Variants in ABCA9 observed in about 807,000 individuals in gnomAD.
ABCA9 encodes the protein ATP-binding cassette sub-family A member 9.
In ABCA9, 183 loss-of-function variants were observed where a neutral mutation model predicts 205.3. The ratio of observed to expected loss-of-function variants is 0.89; its 90% confidence interval spans 0.79 to 1.01. The LOEUF is 1.01. ABCA9 is among the 50% of genes least tolerant of loss of function. The probability of loss-of-function intolerance (pLI) is 0.00; values close to 1 mark genes in which losing one functional copy is unlikely to be tolerated. For synonymous variants in ABCA9, 651 were observed against 683.3 expected, an observed-to-expected ratio of 0.95 and a Z score of 0.74; for missense variants, 1,805 against 1,912.4, an observed-to-expected ratio of 0.94 and a Z score of 1.05.
At chr17:69,018,627 G>A (rs1339677055) in intron 19 of ABCA9, 48 bp from the exon 20 acceptor site, 1 of 1,442,978 alleles carries the variant, frequency 6.9e-7, no homozygotes, top group South Asian at 1.4e-5. Context: ...AGCAACTTTT[G>A]TGGGTTTTTA....
Position 69,035,374 on chromosome 17 carries a change from C to T in ABCA9, c.1000G>A (p.Val334Ile), listed in dbSNP as rs201472998. The change falls in exon 8 of 39, where the codon GTT becomes ATT. Residue 334 changes from valine to isoleucine, a missense_variant. By Grantham distance (29) the Val-to-Ile change is conservative. Coordinates refer to ENST00000340001, the MANE Select transcript of ABCA9 (RefSeq NM_080283.4). The part of the protein sequence containing the change: ...LIKKPFLTGL[V>I]VFLLIVFWGI... ...CAAAAGACAATAAGGAGAAACACAA[C>T]CAAGCCCGTAAGGAAAGGTTTCTTT... The T allele has an allele frequency of 2.5e-5, 40 of 1,607,018 alleles. No homozygotes were observed. The highest frequency in any genetic ancestry group is 3.2e-5 in the Non-Finnish European group (38 of 1,176,552).
chr17:69,007,627 T>C, intron 25 of ABCA9, 132 bp downstream of exon 25: 1 of 609,668 alleles, frequency 1.6e-6, no homozygotes, highest in East Asian at 2.9e-5. Context: ...TAAATAGTAC[T>C]TTGATTATCT....
intron 3 of ABCA9, among the ~76,000 whole-genome samples, chr17:69,048,458 T>A (rs1169402904): frequency 6.6e-6 from 1 of 152,196 alleles, no homozygotes; most frequent in African/African-American, 2.4e-5. Context: ...TCTTTTGGCA[T>A]AACCGATCAG....
intron 1 of ABCA9, among the ~76,000 whole-genome samples, chr17:69,058,706 G>T (rs1392977822): frequency 6.6e-6 from 1 of 152,104 alleles, no homozygotes; most frequent in Non-Finnish European, 1.5e-5. Context: ...GGGTGTGGTG[G>T]CGAGTGCCCG....
the ABCA9 span, among the ~76,000 whole-genome samples, chr17:69,075,345 T>C: frequency 6.6e-6 from 1 of 152,202 alleles, no homozygotes; most frequent in South Asian, 2.1e-4. Context: ...TGGTGTTTCC[T>C]AGGTTTTCTC....
Position 68,989,057 on chromosome 17 carries a change from T to C in ABCA9, c.4017A>G (p.Ile1339Met), listed in dbSNP as rs762856001. Reference sequence around the variant, plus strand: ...CTGCAGTTGGTTTTGTGTCTCCAGTTATCATCTTAATAGTTGTACTTTTAC... The same window carrying C: ...CTGCAGTTGGTTTTGTGTCTCCAGTCATCATCTTAATAGTTGTACTTTTAC... Reference protein sequence around the residue: ...GAGKSTTIKMITGDTKPTAGQ... With the variant: ...GAGKSTTIKMMTGDTKPTAGQ... The change falls in exon 31 of 39, where the codon ATA (isoleucine) becomes ATG (methionine). Residue 1339 changes from isoleucine (I) to methionine (M), a missense_variant. Ile to Met is a conservative substitution (Grantham distance 10, BLOSUM62 1). Transcript: ENST00000340001. 18 of 1,613,440 alleles carry C rather than the reference T, an allele frequency of 1.1e-5. No homozygotes were observed. Among genetic ancestry groups the C allele is most frequent in the African/African-American group, 1.1e-4 (8 of 74,924 alleles).
At chr17:69,043,762 C>G in intron 5 of ABCA9, 47 bp from the exon 6 acceptor site, 1 of 1,434,108 alleles carries the variant, frequency 7.0e-7, no homozygotes, top group Non-Finnish European at 9.5e-7. Flanking sequence ...AATCTAATTC[C>G]AACCTTAGGC....
At chr17:69,063,608 T>C (rs2072307140), upstream of ABCA9, among the ~76,000 whole-genome samples, 1 of 152,116 alleles carries the variant, frequency 6.6e-6, no homozygotes. Flanking sequence ...GTTTTGTGTT[T>C]GTTTTTTTTT....
In ABCA9 at chr17:69,016,263, G is replaced by T; in HGVS notation, c.3029C>A (p.Thr1010Lys). Residue 1010 changes from threonine (T) to lysine (K), a missense_variant, in exon 22 of 39, where the codon ACA becomes AAA. By Grantham distance (78) the Thr-to-Lys change is moderately conservative. Coordinates refer to ENST00000340001, the MANE Select transcript of ABCA9 (RefSeq NM_080283.4). ...SSEHIQTDRS[T>K]FFEEHMDYEY... ...TATAATTATACTTACTTCAAAAAATGTGCTTCTGTCAGTCTGAATGTGTTC... is the reference window on the plus strand; with the variant it reads ...TATAATTATACTTACTTCAAAAAATTTGCTTCTGTCAGTCTGAATGTGTTC... The T allele has an allele frequency of 6.4e-7, 1 of 1,573,456 alleles. No individual in the cohort carries two copies. Among genetic ancestry groups the T allele is most frequent in the Non-Finnish European group, 8.6e-7 (1 of 1,165,746 alleles).
At chr17:69,048,365 C>T (rs1183867520) in intron 3 of ABCA9, among the ~76,000 whole-genome samples, 1 of 152,216 alleles carries the variant, frequency 6.6e-6, no homozygotes, top group African/African-American at 2.4e-5. Flanking sequence ...CCTGTATCAT[C>T]CTCTAACGGT....
In ABCA9 at chr17:68,984,181, G is replaced by A. The variant is rs1212379880; in HGVS notation, c.4380-6C>T. ...AGGTGGCCCGAATCACCTGCCTAAAGTTAAGTCAAGAGAAAACGTGAACTC... is the reference window on the plus strand; with the variant it reads ...AGGTGGCCCGAATCACCTGCCTAAAATTAAGTCAAGAGAAAACGTGAACTC... On this transcript the variant is annotated splice_polypyrimidine_tract_variant and splice_region_variant and intron_variant, in intron 34 of 38. Transcript: ENST00000340001. The A allele has an allele frequency of 2.5e-6, 4 of 1,613,568 alleles. No homozygotes were observed.
intron 1 of ABCA9, chr17:69,051,600 G>A (rs930015141): frequency 1.8e-5 from 3 of 163,886 alleles, no homozygotes; most frequent in Admixed American, 1.8e-4. Context: ...GGGTCATGAG[G>A]GGACCAGTGC....
intron 1 of ABCA9, among the ~76,000 whole-genome samples, chr17:69,059,663 G>C (rs1309628287): frequency 8.0e-6 from 1 of 125,280 alleles, no homozygotes; most frequent in African/African-American, 3.7e-5. Flanking sequence ...CATTAAGTTT[G>C]TGGTCATTTT....
intron 32 of ABCA9, among the ~76,000 whole-genome samples, chr17:68,985,890 G>A (rs923323896): frequency 1.3e-5 from 2 of 152,028 alleles, no homozygotes; most frequent in African/African-American, 4.8e-5. Context: ...CCAAGAGGCG[G>A]AGGTTGCACT....
chr17:69,031,859 G>A (rs755864258), intron 10 of ABCA9, among the ~76,000 whole-genome samples: 8 of 152,150 alleles, frequency 5.3e-5, no homozygotes, highest in Non-Finnish European at 1.2e-4. Flanking sequence ...TGTGGAAAAT[G>A]GAAATTCAAA....
Position 68,984,163 on chromosome 17 carries a change from C to T in ABCA9, c.4392G>A (p.Arg1464=), listed in dbSNP as rs1391372723. The change falls in exon 35 of 39, where the codon CGG becomes CGA. Residue 1464 remains arginine (R), a synonymous_variant. Transcript: ENST00000340001. ...EGQQQMWQVI[R]ATFRNTERGA... ...CCCTCTCCGTGTTTCTAAAGGTGGC[C>T]CGAATCACCTGCCTAAAGTTAAGTC... 6.2e-7 allele frequency: 1 copy of T among 1,613,860 alleles called. No individual in the cohort carries two copies. The highest frequency in any genetic ancestry group is 8.5e-7 in the Non-Finnish European group (1 of 1,179,962).
intron 12 of ABCA9, 67 bp from the exon 13 acceptor site, chr17:69,027,882 A>G (rs1343498622): frequency 7.9e-7 from 1 of 1,265,462 alleles, no homozygotes; most frequent in African/African-American, 1.5e-5. Context: ...ATCTTTTAAA[A>G]TGGAAAACAC....
chr17:68,989,311 C>G lies in ABCA9; in HGVS notation c.3956-193G>C, dbSNP rs180974191. On this transcript the variant is annotated intron_variant, in intron 30 of 38. Coordinates refer to ENST00000340001, the MANE Select transcript of ABCA9 (RefSeq NM_080283.4). Reference sequence around the variant, plus strand: ...ACACACACACCCCTGAGCATTATAACTAGCTTCATTTTACAGGTGAGGAAG... The same window carrying G: ...ACACACACACCCCTGAGCATTATAAGTAGCTTCATTTTACAGGTGAGGAAG... Among the ~76,000 whole-genome samples, 20 of 149,676 alleles carry G rather than the reference C, an allele frequency of 1.3e-4. No individual in the cohort carries two copies. The East Asian group carries it at 1.6e-3, about 12-fold the overall frequency.
intron 32 of ABCA9, 38 bp from the exon 33 acceptor site, chr17:68,985,166 T>A (rs913275332): frequency 3.7e-6 from 6 of 1,606,244 alleles, no homozygotes; most frequent in Non-Finnish European, 5.1e-6. Context: ...ATCCCAACAC[T>A]GGCGAATGTA....
Sources: gnomAD v4.1 joint callset for allele counts (sites outside exome capture counted in the v4.1 genomes callset) on GRCh38, gnomAD v4.1.1 for gene constraint, MANE v1.5 for transcripts, NCBI Gene and HGNC (gene_info 2026-07-23, HGNC 2026-07-21) for gene names.